The following TUT1 variants were observed in gnomAD, a reference collection of about 807,000 sequenced individuals.
TUT1 encodes the protein terminal uridylyl transferase 1, U6 snRNA-specific, also known as speckle targeted PIP5K1A-regulated poly(A) polymerase.
In TUT1, 26 loss-of-function variants were observed where a neutral mutation model predicts 48.8. The ratio of observed to expected loss-of-function variants is 0.53; its 90% CI spans 0.39 to 0.74. TUT1 has a LOEUF of 0.74. Ranked by LOEUF, TUT1 falls within the 30% of genes least tolerant of loss-of-function variation. The probability of loss-of-function intolerance (pLI) is 0.00; values close to 1 mark genes in which losing one functional copy is unlikely to be tolerated. For synonymous variants in TUT1, 470 were observed against 460.8 expected, an observed-to-expected ratio of 1.02 and a Z score of -0.26; for missense variants, 1,065 against 1,114.8, an observed-to-expected ratio of 0.96 and a Z score of 0.64.
chr11:62,577,262 C>G lies in TUT1; in HGVS notation c.1190G>C (p.Ser397Thr), dbSNP rs1245395237. ...TCGACCATCCAGCTCAGAGCAGAGA[C>G]TCAGGAAACGGGAGTTATGCAGGGC... is the stretch of plus-strand genomic sequence containing the variant. ...RLALHNSRFL[S>T]LCSELDGRVR... is the part of the protein sequence containing the mutation. The change falls in exon 6 of 9, where the codon AGT becomes ACT. Residue 397 changes from serine (S) to threonine (T), a missense_variant. Physicochemically the swap from Ser to Thr is moderately conservative, Grantham distance 58. Coordinates refer to ENST00000476907, the MANE Select transcript of TUT1 (RefSeq NM_022830.3). The G allele has an allele frequency of 1.9e-6, 3 of 1,612,786 alleles. No homozygotes were observed. The highest frequency in any genetic ancestry group is 2.5e-6 in the Non-Finnish European group (3 of 1,179,662).
At chr11:62,577,586 GA>G (rs11389501) in intron 5 of TUT1, among the ~76,000 whole-genome samples, 192 of 104,056 alleles carry the variant, frequency 1.8e-3, no homozygotes, top group East Asian at 2.1e-3. Flanking sequence ...TCCCATGTCA[GA>G]AAAAAAAAAA....
chr11:62,580,319 G>A (rs1471451678), intron 4 of TUT1, among the ~76,000 whole-genome samples: 1 of 151,738 alleles, frequency 6.6e-6, no homozygotes, highest in South Asian at 2.1e-4. Flanking sequence ...AATTAGCCAG[G>A]CATGGTGGCG....
At chr11:62,582,725 A>AT (rs1322981447) in intron 2 of TUT1, 2 of 339,868 alleles carry the variant, frequency 5.9e-6, no homozygotes, top group Non-Finnish European at 1.2e-5. Context: ...CAATGATGTG[A>AT]TTACACTATG....
chr11:62,576,283 A>C, intron 8 of TUT1, 39 bp from the exon 9 acceptor site: 1 of 1,497,048 alleles, frequency 6.7e-7, no homozygotes, highest in Non-Finnish European at 8.9e-7. Flanking sequence ...GGGGTCACTT[A>C]GAGGCCAGAA....
Position 62,578,714 on chromosome 11 carries a change from T to C in TUT1, c.1007A>G (p.Glu336Gly), listed in dbSNP as rs770005205. 1 of 1,614,136 alleles carries C rather than the reference T, an allele frequency of 6.2e-7. No individual in the cohort carries two copies. The highest frequency in any genetic ancestry group is 8.5e-7 in the Non-Finnish European group (1 of 1,180,036). Residue 336 changes from glutamate (E) to glycine (G), a missense_variant, in exon 5 of 9, where the codon GAG becomes GGG. Glu to Gly is a moderately conservative substitution (Grantham distance 98). Transcript: ENST00000476907. ...LAETPKEEKA[E>G]GAAMLELVGS... ...CACCAGCTCCAGCATTGCTGCCCCC[T>C]CTGCTTTCTCCTCCTTTGGGGTCTC...
At chr11:62,578,320 G>C (rs553095674) in intron 5 of TUT1, among the ~76,000 whole-genome samples, 1 of 152,128 alleles carries the variant, frequency 6.6e-6, no homozygotes, top group East Asian at 1.9e-4. Flanking sequence ...GCCGAGGCAG[G>C]TGATCACCTG....
intron 2 of TUT1, among the ~76,000 whole-genome samples, chr11:62,586,817 G>T (rs1231937698): frequency 3.3e-5 from 5 of 151,752 alleles, no homozygotes; most frequent in Non-Finnish European, 7.4e-5. Flanking sequence ...TCGGGAGGCT[G>T]AGGCGGGAGA....
Position 62,576,669 on chromosome 11 carries a change from C to A in TUT1, c.1462G>T (p.Val488Leu). 6.2e-7 allele frequency: 1 copy of A among 1,614,200 alleles called. No homozygotes were observed. Among genetic ancestry groups the A allele is most frequent in the South Asian group, 1.1e-5 (1 of 91,092 alleles). ...DASRLEPSINVEPLSSLLAQF... is the reference protein window; with the variant it reads ...DASRLEPSINLEPLSSLLAQF... ...TCCCCAAACTCACTGAGGGGCTCCACATTTATGCTGGGCTCCAGTCTTGAG... is the reference window on the plus strand; with the variant it reads ...TCCCCAAACTCACTGAGGGGCTCCAAATTTATGCTGGGCTCCAGTCTTGAG... Residue 488 changes from valine to leucine, a missense_variant, in exon 8 of 9, where the codon GTG becomes TTG. Val to Leu is a conservative substitution (Grantham distance 32). Transcript: ENST00000476907.
chr11:62,583,758 G>C (rs1941867727), intron 2 of TUT1, among the ~76,000 whole-genome samples: 1 of 152,186 alleles, frequency 6.6e-6, no homozygotes, highest in African/African-American at 2.4e-5. Context: ...AGTGGTGCTA[G>C]CATAAAGATA....
chr11:62,576,178 AG>A lies in TUT1; in HGVS notation c.1540del (p.Leu514CysfsTer26), dbSNP rs773716706. On this transcript the variant is annotated frameshift_variant, in exon 9 of 9. Transcript: ENST00000476907. LOFTEE classifies it low-confidence loss of function (END_TRUNC). ...CWDLRGSLLS[L>X]REGQALPVAG... The stretch of plus-strand genomic sequence containing the variant: ...CACAGGCAGTGCCTGACCCTCCCGC[AG>A]GGACAGCAGGGAGCCACGAAGATCC... The A allele has an allele frequency of 2.5e-6, 4 of 1,611,134 alleles. No individual in the cohort carries two copies. The highest frequency in any genetic ancestry group is 3.4e-5 in the Admixed American group (2 of 59,346).
intron 4 of TUT1, 42 bp from the exon 5 acceptor site, chr11:62,579,072 C>T: frequency 1.4e-6 from 2 of 1,398,710 alleles, no homozygotes; most frequent in African/African-American, 1.4e-5. Flanking sequence ...TCTGCTGTTC[C>T]CTAAGCAGGG....
intron 2 of TUT1, 45 bp from the exon 3 acceptor site, chr11:62,581,746 T>A: frequency 7.6e-7 from 1 of 1,319,348 alleles, no homozygotes; most frequent in Admixed American, 3.9e-5. Context: ...GAACCAAGAA[T>A]CTAAGCACGA....
rs1176610000 is a variant in TUT1, at chr11:62,575,263, C to A, written c.2456G>T (p.Gly819Val). Residue 819 changes from glycine to valine, a missense_variant, in exon 9 of 9, where the codon GGT becomes GTT. By Grantham distance (109) the Gly-to-Val change is moderately radical (BLOSUM62 -3). Transcript: ENST00000476907. Reference protein sequence around the residue: ...QVTQELKGLSGGEERPETEPL... With the variant: ...QVTQELKGLSVGEERPETEPL... ...CTCAGTTTCTGGCCTCTCTTCGCCA[C>A]CACTCAGTCCTTTCAGCTCCTGGGT... 1 of 1,614,180 alleles carries A rather than the reference C, an allele frequency of 6.2e-7. No homozygotes were observed. The highest frequency in any genetic ancestry group is 8.5e-7 in the Non-Finnish European group (1 of 1,180,014).
At position 62,581,148 on chromosome 11, in the gene TUT1, A is replaced by G; in HGVS notation, c.648T>C (p.Asp216=). 1 of 1,614,186 alleles carries G rather than the reference A, an allele frequency of 6.2e-7. No individual in the cohort carries two copies. The change falls in exon 4 of 9, where the codon GAT becomes GAC. Residue 216 remains aspartate, a synonymous_variant. Coordinates refer to ENST00000476907, the MANE Select transcript of TUT1 (RefSeq NM_022830.3). ...SINSFDVHGC[D]LDLFLDLGDL... Reference sequence around the variant, plus strand: ...CACCCAGATCCAAGAAGAGGTCAAGATCACAGCCATGGACATCGAAGCTAT... The same window carrying G: ...CACCCAGATCCAAGAAGAGGTCAAGGTCACAGCCATGGACATCGAAGCTAT...
chr11:62,581,060 A>G (rs1316473510), intron 4 of TUT1, 46 bp downstream of exon 4: 1 of 1,508,248 alleles, frequency 6.6e-7, no homozygotes, highest in East Asian at 2.2e-5. Flanking sequence ...TCACATGGCC[A>G]TTCTCATGGA....
At chr11:62,588,480 G>T (rs1255125629) in intron 2 of TUT1, among the ~76,000 whole-genome samples, 2 of 152,166 alleles carry the variant, frequency 1.3e-5, no homozygotes, top group African/African-American at 2.4e-5. Flanking sequence ...CTGGAACCCA[G>T]GAGGTAGACG....
rs1941778660 is a variant in TUT1, at chr11:62,578,930, G to T, written c.791C>A (p.Ser264Ter). 6.4e-7 allele frequency: 1 copy of T among 1,563,996 alleles called. No homozygotes were observed. Among genetic ancestry groups the T allele is most frequent in the Non-Finnish European group, 8.7e-7 (1 of 1,154,984 alleles). The stretch of plus-strand genomic sequence containing the variant: ...ATCCTGGGGAGAAGCAGGAGGTTGT[G>T]AATCTGGAGGGGAAGCTGGGGTGCA... ...LACTPASPPD[S>*]QPPASPQDSE... The change falls in exon 5 of 9, where the codon TCA becomes TAA. Residue 264 changes from serine (S) to a stop codon, truncating the protein, a stop_gained. Transcript: ENST00000476907. LOFTEE classifies it high-confidence loss of function.
intron 1 of TUT1, among the ~76,000 whole-genome samples, chr11:62,589,827 C>A (rs1199156840): frequency 6.6e-6 from 1 of 152,208 alleles, no homozygotes. Context: ...AAGGCAGGAT[C>A]TGAAATTACA....
At chr11:62,588,798 G>A (rs552852098) in intron 2 of TUT1, among the ~76,000 whole-genome samples, 5 of 152,304 alleles carry the variant, frequency 3.3e-5, no homozygotes, top group East Asian at 1.9e-4. Flanking sequence ...GGGTTCAAGC[G>A]ATTCTCCTGC....
Sources: allele counts gnomAD v4.1 joint callset (sites outside exome capture counted in the v4.1 genomes callset), GRCh38; gene constraint gnomAD v4.1.1; transcripts MANE v1.5; gene names NCBI Gene and HGNC (gene_info 2026-07-23, HGNC 2026-07-21).